The following ALDH7A1 variants were observed in gnomAD, a reference collection of about 807,000 sequenced individuals.
ALDH7A1 encodes the protein alpha-aminoadipic semialdehyde dehydrogenase.
In ALDH7A1, 63 loss-of-function variants were observed where a neutral mutation model predicts 79.9. The ratio of observed to expected loss-of-function variants is 0.79; its 90% CI spans 0.64 to 0.97. The LOEUF (loss-of-function observed/expected upper bound fraction) is 0.97. Among genes scored for constraint, ALDH7A1 ranks in the 50% least tolerant of loss-of-function variants. ALDH7A1 has a pLI of 0.00. For synonymous variants in ALDH7A1, 240 were observed against 231.2 expected (o/e 1.04, Z -0.34); for missense variants, 627 against 665.2 (o/e 0.94, Z 0.63).
At position 126,543,433 on chromosome 5, in the gene ALDH7A1, T is replaced by C. The variant is rs1295547145; in HGVS notation, c.*1532A>G. ...AACCTTCTCTCAATAGCTATATCAG[T>C]ATTTGGCTTGATTCATGTTCAATAT... On this transcript the variant is annotated 3_prime_UTR_variant, in exon 18 of 18. Transcript: ENST00000409134. 6.6e-6 allele frequency: 1 copy of C among 152,232 alleles called. No individual in the cohort carries two copies. Among genetic ancestry groups the C allele is most frequent in the Non-Finnish European group, 1.5e-5 (1 of 68,036 alleles). The allele number at this position is 152,232 out of a possible 1,614,324, so 9.4% of individuals were successfully genotyped here. A position where few individuals can be genotyped will look rare whatever the true frequency, so the allele number is the denominator to read the frequency against.
chr5:126,546,984 G>A (rs1408072710), intron 16 of ALDH7A1, among the ~76,000 whole-genome samples: 1 of 152,190 alleles, frequency 6.6e-6, no homozygotes. Context: ...TGCCCTTCTA[G>A]CTCTCAAATG....
chr5:126,582,708 T>A, intron 5 of ALDH7A1, 143 bp downstream of exon 5: 1 of 979,378 alleles, frequency 1.0e-6, no homozygotes, highest in Non-Finnish European at 1.5e-6. Flanking sequence ...AATTTGCATT[T>A]CTTTGAAAGA....
intron 9 of ALDH7A1, among the ~76,000 whole-genome samples, chr5:126,566,838 A>T (rs980463083): frequency 1.3e-5 from 2 of 152,172 alleles, no homozygotes; most frequent in Non-Finnish European, 2.9e-5. Context: ...TTTTCTCACC[A>T]CTATACTAAT....
At chr5:126,594,160 G>A (rs765078104) in intron 1 of ALDH7A1, 8 of 469,664 alleles carry the variant, frequency 1.7e-5, no homozygotes, top group Middle Eastern at 3.2e-4. Flanking sequence ...GGTATCAGGC[G>A]CGGTGTTAAG....
intron 3 of ALDH7A1, chr5:126,584,476 A>G (rs1751289500): frequency 5.3e-6 from 1 of 187,268 alleles, no homozygotes; most frequent in Admixed American, 5.6e-5. Context: ...CCTGGGCAAC[A>G]TGGTGAAACC....
chr5:126,595,208 G>A lies in ALDH7A1; in HGVS notation c.-10C>T, dbSNP rs1395857338. The A allele has an allele frequency of 2.6e-6, 4 of 1,551,780 alleles. No individual in the cohort carries two copies. Among genetic ancestry groups the A allele is most frequent in the East Asian group, 4.9e-5 (2 of 40,924 alleles). ...GAGGAAGGCGCCACATACTGAGCCC[G>A]GGACTCGGGATGAGCCCAAGGCCCT... is the stretch of plus-strand genomic sequence containing the variant. On this transcript the variant is annotated 5_prime_UTR_variant, in exon 1 of 18. Transcript: ENST00000409134.
intron 9 of ALDH7A1, among the ~76,000 whole-genome samples, chr5:126,565,599 T>C (rs536435190): frequency 6.6e-6 from 1 of 152,310 alleles, no homozygotes; most frequent in East Asian, 1.9e-4. Context: ...AAGCACAAAA[T>C]GCTTTAATTT....
Position 126,544,864 on chromosome 5 carries a change from A to C in ALDH7A1, c.*101T>G, listed in dbSNP as rs1327241881. The C allele has an allele frequency of 2.1e-6, 2 of 932,410 alleles. No individual in the cohort carries two copies. The highest frequency in any genetic ancestry group is 3.5e-6 in the Non-Finnish European group (2 of 576,458). 57.8% of individuals were successfully genotyped at this position (932,410 alleles called of 1,614,324 possible). On this transcript the variant is annotated 3_prime_UTR_variant, in exon 18 of 18. Coordinates refer to ENST00000409134, the MANE Select transcript of ALDH7A1 (RefSeq NM_001182.5). Reference sequence around the variant, plus strand: ...AGGGGGATTAGTCACTGTCACAGTCATAATAATGCATTTATTCAGGGAAAA... The same window carrying C: ...AGGGGGATTAGTCACTGTCACAGTCCTAATAATGCATTTATTCAGGGAAAA...
intron 9 of ALDH7A1, among the ~76,000 whole-genome samples, chr5:126,566,181 T>C (rs1431214149): frequency 6.6e-6 from 1 of 152,230 alleles, no homozygotes; most frequent in Non-Finnish European, 1.5e-5. Flanking sequence ...TATTGAAACC[T>C]TAACAATATT....
chr5:126,586,376 T>G (rs1426910891), intron 3 of ALDH7A1: 1 of 152,238 alleles, frequency 6.6e-6, no homozygotes, highest in Admixed American at 6.5e-5. Context: ...TAATTTCAAC[T>G]CAGAATGGCC....
At chr5:126,594,077 T>A (rs558049318) in intron 1 of ALDH7A1, 12 of 369,872 alleles carry the variant, frequency 3.2e-5, no homozygotes, top group Admixed American at 1.1e-4. Context: ...AACTTTCTTT[T>A]AAAAAAAAAT....
In ALDH7A1 at chr5:126,579,368, T is replaced by C. The variant is rs541824936; in HGVS notation, c.518-2157A>G. On this transcript the variant is annotated intron_variant, in intron 5 of 17. Coordinates refer to ENST00000409134, the MANE Select transcript of ALDH7A1 (RefSeq NM_001182.5). ...TGGAGGCCTTCCTGGACTGCACTCA[T>C]GAGGCTGGGTTAGGGGATCCCAGCT... 7.2e-5 allele frequency among the ~76,000 whole-genome samples: 11 copies of C among 152,320 alleles called. No individual in the cohort carries two copies. The South Asian group carries it at 1.7e-3, about 23-fold the overall frequency.
chr5:126,588,661 T>C (rs1751436386), intron 3 of ALDH7A1: 1 of 152,186 alleles, frequency 6.6e-6, no homozygotes, highest in African/African-American at 2.4e-5. Context: ...TCATGTAAAT[T>C]GTGTACTTTA....
In ALDH7A1 at chr5:126,542,569, G is replaced by A. The variant is rs1256621605; in HGVS notation, c.*2396C>T. 2 of 152,262 alleles carry A rather than the reference G, an allele frequency of 1.3e-5. No individual in the cohort carries two copies. Among genetic ancestry groups the A allele is most frequent in the Non-Finnish European group, 2.9e-5 (2 of 68,122 alleles). The allele number at this position is 152,262 out of a possible 1,614,324, so 9.4% of individuals were successfully genotyped here. A position where few individuals can be genotyped will look rare whatever the true frequency, so the allele number is the denominator to read the frequency against. ...AGTCCCAGCTACTGGGGAGCATGAG[G>A]TGGAAGGATAGATTGAGCCCAGGAG... is the stretch of plus-strand genomic sequence containing the variant. On this transcript the variant is annotated 3_prime_UTR_variant, in exon 18 of 18. Coordinates refer to ENST00000409134, the MANE Select transcript of ALDH7A1 (RefSeq NM_001182.5).
intron 15 of ALDH7A1, 55 bp downstream of exon 15, chr5:126,550,141 C>T (rs1202669574): frequency 2.1e-5 from 33 of 1,566,944 alleles, no homozygotes; most frequent in Non-Finnish European, 2.7e-5. Context: ...TTTTTTAAGT[C>T]CACTCACCAC....
At chr5:126,583,878 G>A in intron 4 of ALDH7A1, 54 bp downstream of exon 4, 1 of 1,369,510 alleles carries the variant, frequency 7.3e-7, no homozygotes. Flanking sequence ...AGAAAAGCAT[G>A]ACAGCCTTAT....
At chr5:126,589,345 C>T (rs570017936) in intron 3 of ALDH7A1, among the ~76,000 whole-genome samples, 11 of 152,032 alleles carry the variant, frequency 7.2e-5, no homozygotes, top group African/African-American at 1.4e-4. Context: ...TTAGTAGAAA[C>T]GGGGTTTCTC....
At chr5:126,558,652 T>C (rs1750289303) in intron 11 of ALDH7A1, among the ~76,000 whole-genome samples, 1 of 151,766 alleles carries the variant, frequency 6.6e-6, no homozygotes, top group Non-Finnish European at 1.5e-5. Context: ...GCCTCCCAAG[T>C]AGCTGGGACT....
chr5:126,594,637 G>A (rs536994500), intron 1 of ALDH7A1, among the ~76,000 whole-genome samples: 37 of 151,848 alleles, frequency 2.4e-4, no homozygotes, highest in African/African-American at 8.4e-4. Context: ...GTAGAGACAA[G>A]GTTTCTCCAT....
Sources: allele counts gnomAD v4.1 joint callset (sites outside exome capture counted in the v4.1 genomes callset), GRCh38; gene constraint gnomAD v4.1.1; transcripts MANE v1.5; gene names NCBI Gene and HGNC (gene_info 2026-07-23, HGNC 2026-07-21).